ACER1: variants seen among roughly 807,000 people sequenced by gnomAD.
ACER1 encodes CTB-180A7.3.
In ACER1, 28 loss-of-function variants were observed where a neutral mutation model predicts 24.9. That is an observed-to-expected ratio of 1.13 (90% CI 0.83 to 1.54). The LOEUF (loss-of-function observed/expected upper bound fraction) is 1.54, where lower values mean the gene tolerates loss of function less well. ACER1 is among the 40% of genes most tolerant of loss of function. The pLI, the probability that ACER1 is intolerant of heterozygous loss-of-function variation, is 0.00. For missense variants in ACER1, 352 were observed against 349.3 expected, an observed-to-expected ratio of 1.01 and a Z score of -0.06; for synonymous variants, 132 against 131.4, an observed-to-expected ratio of 1.00 and a Z score of -0.03.
intron 1 of ACER1, among the ~76,000 whole-genome samples, chr19:6,324,737 G>A (rs964958453): frequency 8.0e-5 from 12 of 150,666 alleles, no homozygotes; most frequent in African/African-American, 2.2e-4. Context: ...CAACAAGAGC[G>A]AAACTCCATC....
At chr19:6,313,758 T>C (rs753997209) in intron 1 of ACER1, among the ~76,000 whole-genome samples, 5 of 152,200 alleles carry the variant, frequency 3.3e-5, no homozygotes, top group Non-Finnish European at 5.9e-5. Context: ...CTTCTGAGGT[T>C]AGGTCATAAA....
At chr19:6,309,642 G>T (rs2091567821) in intron 4 of ACER1, 55 bp downstream of exon 4, 2 of 1,608,292 alleles carry the variant, frequency 1.2e-6, no homozygotes, top group South Asian at 1.1e-5. Context: ...TGGAGTCAGG[G>T]GTGCTAGGAG....
intron 1 of ACER1, among the ~76,000 whole-genome samples, chr19:6,327,644 T>C (rs1179558599): frequency 6.6e-6 from 1 of 151,820 alleles, no homozygotes; most frequent in Non-Finnish European, 1.5e-5. Context: ...CTTTGGCCTG[T>C]GGGCAAAGTT....
chr19:6,344,111 A>G, the ACER1 span: 1 of 152,138 alleles, frequency 6.6e-6, no homozygotes, highest in Non-Finnish European at 1.5e-5. Flanking sequence ...AGCCTAGTCA[A>G]CATAGTAAAA....
At chr19:6,318,246 G>A (rs928953796) in intron 1 of ACER1, among the ~76,000 whole-genome samples, 5 of 148,378 alleles carry the variant, frequency 3.4e-5, no homozygotes, top group Non-Finnish European at 6.0e-5. Context: ...GAGGTGGGCC[G>A]ATCACCTGAA....
intron 3 of ACER1, among the ~76,000 whole-genome samples, chr19:6,311,596 C>T (rs954341821): frequency 2.6e-5 from 3 of 115,644 alleles, no homozygotes; most frequent in South Asian, 2.9e-4. Context: ...AAGGAGGAGG[C>T]GGAGAAGAAG....
At chr19:6,346,612 C>G in the ACER1 span, among the ~76,000 whole-genome samples, 1 of 149,898 alleles carries the variant, frequency 6.7e-6, no homozygotes, top group Non-Finnish European at 1.5e-5. Flanking sequence ...AATCTCCTGG[C>G]TGGAGCAATC....
chr19:6,316,590 G>C (rs966467175), intron 1 of ACER1, among the ~76,000 whole-genome samples: 1 of 151,738 alleles, frequency 6.6e-6, no homozygotes, highest in Non-Finnish European at 1.5e-5. Context: ...GGAGGTGGAG[G>C]TGAGTGGATC....
At chr19:6,312,098 C>G in intron 3 of ACER1, 51 bp downstream of exon 3, 1 of 1,592,022 alleles carries the variant, frequency 6.3e-7, no homozygotes, top group Non-Finnish European at 8.6e-7. Flanking sequence ...CATGTAGAGT[C>G]AACTGAAGAC....
chr19:6,324,057 T>G (rs1374765096), intron 1 of ACER1, among the ~76,000 whole-genome samples: 1 of 152,140 alleles, frequency 6.6e-6, no homozygotes, highest in Admixed American at 6.6e-5. Context: ...TTTATTTTTA[T>G]TTTTTGAGAC....
rs578131674 is a variant in ACER1 at position 6,321,440 on chromosome 19, C to T, written c.94-8941G>A. Among the ~76,000 whole-genome samples the T allele has an allele frequency of 1.9e-4, 29 of 151,776 alleles. No homozygotes were observed. The East Asian group carries it at 4.7e-3, about 24-fold the overall frequency. Reference sequence around the variant, plus strand: ...ACAGGTGTGAGCCACCCCATCTGGCCGAAATACATTCTTTAAAAAAAGAGA... The same window carrying T: ...ACAGGTGTGAGCCACCCCATCTGGCTGAAATACATTCTTTAAAAAAAGAGA... On this transcript the variant is annotated intron_variant, in intron 1 of 5. Transcript: ENST00000301452.
the ACER1 span, among the ~76,000 whole-genome samples, chr19:6,339,030 C>G: frequency 1.3e-5 from 2 of 151,968 alleles, no homozygotes; most frequent in African/African-American, 4.8e-5. Flanking sequence ...GCGCCCACCA[C>G]CACGTCGGGC....
the ACER1 span, among the ~76,000 whole-genome samples, chr19:6,348,583 A>G: frequency 2.0e-5 from 3 of 152,002 alleles, no homozygotes; most frequent in Non-Finnish European, 4.4e-5. Context: ...CAAAGAAAAC[A>G]TCCATTTACA....
intron 3 of ACER1, among the ~76,000 whole-genome samples, chr19:6,310,355 A>G (rs761312394): frequency 1.7e-4 from 26 of 151,950 alleles, no homozygotes; most frequent in Non-Finnish European, 3.2e-4. Context: ...CCAAAGTGCT[A>G]GGATTACCGG....
At chr19:6,340,235 C>T in the ACER1 span, among the ~76,000 whole-genome samples, 38 of 100,420 alleles carry the variant, frequency 3.8e-4, 2 homozygotes, top group South Asian at 8.2e-3. Flanking sequence ...CAGCCAAGAT[C>T]GCGCCACTAC....
At chr19:6,351,887 T>C in the ACER1 span, among the ~76,000 whole-genome samples, 1 of 151,942 alleles carries the variant, frequency 6.6e-6, no homozygotes, top group Non-Finnish European at 1.5e-5. Flanking sequence ...AAACCCCATC[T>C]GTACTAAACA....
chr19:6,357,322 C>T, the ACER1 span, among the ~76,000 whole-genome samples: 261 of 151,962 alleles, frequency 1.7e-3, 2 homozygotes, highest in African/African-American at 5.9e-3. Context: ...ACTGGGATTA[C>T]GGCCGTGAGC....
chr19:6,347,109 A>ATATATATAT, the ACER1 span, among the ~76,000 whole-genome samples: 9 of 113,820 alleles, frequency 7.9e-5, no homozygotes, highest in African/African-American at 3.5e-4. Context: ...AAAAAAAAAA[A>ATATATATAT]ATATATATAT....
chr19:6,318,984 C>T (rs2091617229), intron 1 of ACER1, among the ~76,000 whole-genome samples: 1 of 151,516 alleles, frequency 6.6e-6, no homozygotes, highest in Non-Finnish European at 1.5e-5. Flanking sequence ...AAAAGCAGGA[C>T]ACATCATCAA....
Sources: allele counts gnomAD v4.1 joint callset (sites outside exome capture counted in the v4.1 genomes callset), GRCh38; gene constraint gnomAD v4.1.1; transcripts MANE v1.5; gene names NCBI Gene and HGNC (gene_info 2026-07-23, HGNC 2026-07-21).